Variants in ALK observed in about 807,000 individuals in gnomAD.
ALK encodes the protein ALK receptor tyrosine kinase.
Under a neutral mutation model 163.1 loss-of-function variants are expected in ALK, and 74 were observed. The observed-to-expected ratio is 0.45, with a 90% CI of 0.38 to 0.55. The LOEUF (loss-of-function observed/expected upper bound fraction) is 0.55. Among genes scored for constraint, ALK ranks in the 20% least tolerant of loss-of-function variants. The pLI is 0.00. For synonymous variants in ALK, 960 were observed against 843.2 expected (o/e 1.14, Z -2.40); for missense variants, 2,063 against 2,105.3 (o/e 0.98, Z 0.39).
At position 29,677,551 on chromosome 2, in the gene ALK, T is replaced by C. The variant is rs186791915; in HGVS notation, c.952+17299A>G. ...TTTATTGAGATAGCCAAACGGCTTA[T>C]GTACTTTATCCTATTAACATGGTAT... On this transcript the variant is annotated intron_variant, in intron 3 of 28. Transcript: ENST00000389048. Among the ~76,000 whole-genome samples, 291 of 152,166 alleles carry C rather than the reference T, an allele frequency of 1.9e-3. 3 individuals carry two copies. The highest frequency in any genetic ancestry group is 3.4e-3 in the Middle Eastern group (1 of 294).
chr2:29,609,391 G>A (rs1457727313), intron 3 of ALK, among the ~76,000 whole-genome samples: 1 of 152,142 alleles, frequency 6.6e-6, no homozygotes, highest in Non-Finnish European at 1.5e-5. Context: ...GGAGAGGCAG[G>A]GGCTCTGTGA....
intron 1 of ALK, among the ~76,000 whole-genome samples, chr2:29,909,293 T>C (rs904053074): frequency 6.6e-6 from 1 of 152,164 alleles, no homozygotes; most frequent in African/African-American, 2.4e-5. Flanking sequence ...TGTTCTGATT[T>C]TTTGCCTAGA....
At chr2:29,708,618 G>T (rs576459522) in intron 2 of ALK, among the ~76,000 whole-genome samples, 1 of 152,312 alleles carries the variant, frequency 6.6e-6, no homozygotes, top group South Asian at 2.1e-4. Context: ...CAAGGGATGA[G>T]TTGTGTAAAG....
intron 5 of ALK, among the ~76,000 whole-genome samples, chr2:29,347,968 G>A (rs1443636361): frequency 2.0e-5 from 3 of 152,152 alleles, no homozygotes; most frequent in Non-Finnish European, 4.4e-5. Flanking sequence ...CTGGTTCTGG[G>A]ACTACACCTT....
chr2:29,892,670 C>G (rs1435943748), intron 1 of ALK, among the ~76,000 whole-genome samples: 1 of 152,154 alleles, frequency 6.6e-6, no homozygotes, highest in Non-Finnish European at 1.5e-5. Context: ...TCGTAAGTGG[C>G]AGACCTAAGA....
Position 29,920,811 on chromosome 2 carries a change from T to C in ALK, c.-152A>G. The stretch of plus-strand genomic sequence containing the variant: ...CTGTGCGTGCGCGCAAGTCTCTTGC[T>C]TTCCCCCAACTGCACGGAGGCGAGC... On this transcript the variant is annotated 5_prime_UTR_variant, in exon 1 of 29. Transcript: ENST00000389048. 1.4e-6 allele frequency: 1 copy of C among 702,912 alleles called. No homozygotes were observed. Among genetic ancestry groups the C allele is most frequent in the South Asian group, 1.9e-5 (1 of 53,616 alleles). The allele number at this position is 702,912 out of a possible 1,614,324, so 43.5% of individuals were successfully genotyped here.
intron 1 of ALK, among the ~76,000 whole-genome samples, chr2:29,821,366 C>T (rs1665042913): frequency 6.6e-6 from 1 of 152,080 alleles, no homozygotes; most frequent in Admixed American, 6.6e-5. Context: ...ACTCATCTCC[C>T]CTCCCCTCAA....
intron 3 of ALK, among the ~76,000 whole-genome samples, chr2:29,633,236 C>T (rs770654344): frequency 6.6e-6 from 1 of 152,088 alleles, no homozygotes; most frequent in African/African-American, 2.4e-5. Flanking sequence ...ATAGTCATAA[C>T]AGTGATCATG....
At chr2:29,836,729 T>G (rs1490833233) in intron 1 of ALK, among the ~76,000 whole-genome samples, 1 of 152,186 alleles carries the variant, frequency 6.6e-6, no homozygotes, top group Non-Finnish European at 1.5e-5. Context: ...CCAAAATCTA[T>G]TTACTTTCTA....
At chr2:29,780,953 A>G (rs1280540315) in intron 1 of ALK, among the ~76,000 whole-genome samples, 3 of 152,246 alleles carry the variant, frequency 2.0e-5, no homozygotes, top group African/African-American at 7.2e-5. Flanking sequence ...AAAATATGCC[A>G]AGGCATTCAA....
In ALK at chr2:29,220,835, G is replaced by C. The variant is rs2148166741; in HGVS notation, c.3516C>G (p.Ser1172Arg). The C allele has an allele frequency of 6.2e-7, 1 of 1,614,100 alleles. No individual in the cohort carries two copies. Among genetic ancestry groups the C allele is most frequent in the Non-Finnish European group, 8.5e-7 (1 of 1,179,942 alleles). Residue 1172 changes from serine to arginine, a missense_variant and splice_region_variant, in exon 23 of 29, where the codon AGC becomes AGG. By Grantham distance (110) the Ser-to-Arg change is moderately radical (BLOSUM62 -1). Transcript: ENST00000389048. ...LDFLMEALII[S>R]KFNHQNIVRC... is the part of the protein sequence containing the mutation. ...GAACAATGTTCTGGTGGTTGAATTTGCTGCAGAGCAGAGAGGGATGTAACC... is the reference window on the plus strand; with the variant it reads ...GAACAATGTTCTGGTGGTTGAATTTCCTGCAGAGCAGAGAGGGATGTAACC...
In ALK at chr2:29,227,189, TC is replaced by T; in HGVS notation, c.2915-116del. The T allele has an allele frequency of 7.4e-7, 1 of 1,351,226 alleles. No homozygotes were observed. The highest frequency in any genetic ancestry group is 1.1e-6 in the Non-Finnish European group (1 of 947,984). The allele number at this position is 1,351,226 out of a possible 1,614,324, so 83.7% of individuals were successfully genotyped here. On this transcript the variant is annotated intron_variant, in intron 17 of 28. Transcript: ENST00000389048. The surrounding 1 kb of genome is among the most constrained non-coding windows in gnomAD (Gnocchi z 4.4). ...TGCTCTGGTGGTCCCTGTTCCTAGGTCCCATAGCCACTGGAAGCACAACTGT... is the reference window on the plus strand; with the variant it reads ...TGCTCTGGTGGTCCCTGTTCCTAGGTCCATAGCCACTGGAAGCACAACTGT...
At chr2:29,289,672 C>G (rs1665966847) in intron 9 of ALK, among the ~76,000 whole-genome samples, 2 of 152,174 alleles carry the variant, frequency 1.3e-5, no homozygotes, top group South Asian at 4.1e-4. Flanking sequence ...TGAGACATTC[C>G]TCTCCCTTCT....
chr2:29,875,418 T>G (rs552248832), intron 1 of ALK, among the ~76,000 whole-genome samples: 1 of 152,346 alleles, frequency 6.6e-6, no homozygotes, highest in South Asian at 2.1e-4. Flanking sequence ...TTACCATTAC[T>G]ATTTTTTTAC....
At chr2:29,585,526 C>T (rs1490626916) in intron 3 of ALK, among the ~76,000 whole-genome samples, 2 of 152,076 alleles carry the variant, frequency 1.3e-5, no homozygotes, top group Non-Finnish European at 2.9e-5. Flanking sequence ...TGGTGTTTCG[C>T]CATGTTGGTC....
At chr2:29,270,459 G>T (rs1326938425) in intron 11 of ALK, among the ~76,000 whole-genome samples, 1 of 152,172 alleles carries the variant, frequency 6.6e-6, no homozygotes, top group African/African-American at 2.4e-5. Context: ...CCTTTGCTTT[G>T]GGCCAGGCTC....
intron 27 of ALK, among the ~76,000 whole-genome samples, chr2:29,197,234 G>T (rs1025330124): frequency 7.9e-5 from 12 of 152,124 alleles, no homozygotes; most frequent in African/African-American, 2.9e-4. Flanking sequence ...ACAGACATAC[G>T]GTGTAGGGCA....
At chr2:29,195,660 G>A (rs1015546892) in intron 28 of ALK, among the ~76,000 whole-genome samples, 2 of 152,186 alleles carry the variant, frequency 1.3e-5, no homozygotes, top group South Asian at 2.1e-4. Context: ...GCTTGAACCC[G>A]GGAGGTGGAG....
intron 4 of ALK, among the ~76,000 whole-genome samples, chr2:29,386,340 C>T (rs987698081): frequency 1.3e-5 from 2 of 151,970 alleles, no homozygotes; most frequent in African/African-American, 2.4e-5. Context: ...TTTCCATCCA[C>T]AATAAAACTG....
Sources: allele counts gnomAD v4.1 joint callset (sites outside exome capture counted in the v4.1 genomes callset), GRCh38; gene constraint gnomAD v4.1.1; non-coding constraint Gnocchi (gnomAD v3.1); transcripts MANE v1.5; gene names NCBI Gene and HGNC (gene_info 2026-07-23, HGNC 2026-07-21).